Variants in FKBP5 observed in about 807,000 individuals in gnomAD.
The protein encoded by FKBP5 is FKBP prolyl isomerase 5, also known as peptidyl-prolyl cis-trans isomerase FKBP5.
A neutral mutation model predicts 50.5 loss-of-function variants in FKBP5; 23 were observed. The ratio of observed to expected loss-of-function variants is 0.46; its 90% confidence interval spans 0.33 to 0.65. The LOEUF is 0.65. Ranked by LOEUF, FKBP5 falls within the 30% of genes least tolerant of loss-of-function variation. The pLI, the probability that FKBP5 is intolerant of heterozygous loss-of-function variation, is 0.02. For missense variants in FKBP5, 411 were observed against 553.1 expected, an observed-to-expected ratio of 0.74 and a Z score of 2.58; for synonymous variants, 176 against 190.6, an observed-to-expected ratio of 0.92 and a Z score of 0.63.
chr6:35,659,995 C>T lies in FKBP5; in HGVS notation c.-19-17152G>A. Among the ~76,000 whole-genome samples, 2 of 67,642 alleles carry T rather than the reference C, an allele frequency of 3.0e-5. 1 individual carries two copies. Among genetic ancestry groups the T allele is most frequent in the East Asian group, 8.9e-4 (2 of 2,248 alleles). The allele number at this position is 67,642 out of a possible 152,430, so 44.4% of individuals were successfully genotyped here. On this transcript the variant is annotated intron_variant, in intron 1 of 10. Transcript: ENST00000357266. ...CTGATTTGTGATTTTACTTCTTACC[C>T]AATATAGACATTTAGTGCTATGAAT...
intron 2 of FKBP5, among the ~76,000 whole-genome samples, chr6:35,698,328 G>C (rs1302197995): frequency 6.6e-6 from 1 of 151,290 alleles, no homozygotes; most frequent in Non-Finnish European, 1.5e-5. Context: ...GGCAACAAGA[G>C]TGAAACTCCA....
chr6:35,718,437 G>T (rs567378759), intron 2 of FKBP5, among the ~76,000 whole-genome samples: 69 of 152,300 alleles, frequency 4.5e-4, no homozygotes, highest in African/African-American at 1.6e-3. Flanking sequence ...CCGGGGAATC[G>T]GCTGTTGGTT....
intron 5 of FKBP5, 123 bp from the exon 6 acceptor site, chr6:35,597,527 AG>A: frequency 1.8e-6 from 2 of 1,139,746 alleles, no homozygotes; most frequent in Non-Finnish European, 2.4e-6. Flanking sequence ...TTTCATCAAG[AG>A]ACACACACAG....
chr6:35,657,065 A>C (rs1299367464), intron 1 of FKBP5, among the ~76,000 whole-genome samples: 1 of 131,030 alleles, frequency 7.6e-6, no homozygotes, highest in African/African-American at 2.9e-5. Flanking sequence ...CAAAAAAAAA[A>C]CTAGCCGGGA....
At chr6:35,703,530 A>G (rs1746030533) in intron 2 of FKBP5, among the ~76,000 whole-genome samples, 1 of 152,236 alleles carries the variant, frequency 6.6e-6, no homozygotes. Flanking sequence ...TATCACATGT[A>G]CCCCATAAAT....
At chr6:35,647,970 T>C (rs553626497) in intron 1 of FKBP5, among the ~76,000 whole-genome samples, 66 of 152,342 alleles carry the variant, frequency 4.3e-4, no homozygotes, top group Middle Eastern at 3.4e-3. Flanking sequence ...TATTATTAGA[T>C]AGACTTCGGA....
At chr6:35,709,371 TG>T (rs1353027393) in intron 2 of FKBP5, among the ~76,000 whole-genome samples, 1 of 152,166 alleles carries the variant, frequency 6.6e-6, no homozygotes, top group Admixed American at 6.5e-5. Context: ...TAAGATAAAT[TG>T]TTAAATGCAA....
intron 1 of FKBP5, among the ~76,000 whole-genome samples, chr6:35,655,363 G>T (rs1764919080): frequency 6.6e-6 from 1 of 152,080 alleles, no homozygotes; most frequent in Admixed American, 6.5e-5. Context: ...AAGACAGTAG[G>T]AATGAGCCCC....
At chr6:35,680,570 T>TAAA in intron 1 of FKBP5, among the ~76,000 whole-genome samples, 1 of 152,352 alleles carries the variant, frequency 6.6e-6, no homozygotes, top group East Asian at 1.9e-4. Flanking sequence ...AAGCTATGAT[T>TAAA]TAAATTGATT....
At chr6:35,648,273 C>A (rs975505290) in intron 1 of FKBP5, among the ~76,000 whole-genome samples, 9 of 152,134 alleles carry the variant, frequency 5.9e-5, no homozygotes, top group Middle Eastern at 3.4e-3. Flanking sequence ...TTATTTATTT[C>A]TTATTGTCTC....
intron 3 of FKBP5, among the ~76,000 whole-genome samples, chr6:35,627,794 T>A (rs1239195247): frequency 6.6e-6 from 1 of 152,070 alleles, no homozygotes; most frequent in African/African-American, 2.4e-5. Flanking sequence ...ATAGTTTCGT[T>A]CTTGTTGCCT....
rs1370614011 is a variant in FKBP5, at chr6:35,688,302, G to C, written c.-20+502C>G. Among the ~76,000 whole-genome samples the C allele has an allele frequency of 3.3e-5, 5 of 152,238 alleles. No individual in the cohort carries two copies. The East Asian group carries it at 9.7e-4, about 29-fold the overall frequency. ...CGTCCCGGCGCTCGGCTCGCCCTGG[G>C]GTCCGGTTGTCCCGGCGCCCGGACC... On this transcript the variant is annotated intron_variant, in intron 1 of 10. Transcript: ENST00000357266.
intron 1 of FKBP5, among the ~76,000 whole-genome samples, chr6:35,668,164 C>T (rs1765281534): frequency 6.6e-6 from 1 of 152,236 alleles, no homozygotes; most frequent in Non-Finnish European, 1.5e-5. Flanking sequence ...AGATCAGCCA[C>T]TGCATAAAAT....
intron 7 of FKBP5, among the ~76,000 whole-genome samples, chr6:35,590,119 G>A (rs898081744): frequency 4.6e-5 from 7 of 152,198 alleles, no homozygotes; most frequent in African/African-American, 1.7e-4. Flanking sequence ...GCAACACAGT[G>A]AGACCCCATG....
Position 35,587,107 on chromosome 6 carries a change from G to C in FKBP5, c.767C>G (p.Ser256Cys). 1 of 1,613,966 alleles carries C rather than the reference G, an allele frequency of 6.2e-7. No homozygotes were observed. The highest frequency in any genetic ancestry group is 8.5e-7 in the Non-Finnish European group (1 of 1,179,910). ...TLKSFEKAKE[S>C]WEMDTKEKLE... ...TTTTTCTTTGGTATCCATCTCCCAG[G>C]ATTCTTTGGCCTGTGTGTAAATTTG... Residue 256 changes from serine to cysteine, a missense_variant, in exon 8 of 11, where the codon TCC becomes TGC. Transcript: ENST00000357266.
intron 1 of FKBP5, among the ~76,000 whole-genome samples, chr6:35,669,796 A>G (rs916933783): frequency 3.9e-5 from 6 of 152,358 alleles, no homozygotes; most frequent in African/African-American, 1.4e-4. Flanking sequence ...CTTATGACTC[A>G]GAAAAAGTTT....
At chr6:35,683,129 T>TATATATGTATATATATAC (rs1561893456) in intron 1 of FKBP5, among the ~76,000 whole-genome samples, 1 of 45,766 alleles carries the variant, frequency 2.2e-5, no homozygotes, top group African/African-American at 1.1e-4. Flanking sequence ...TATGTGTGTG[T>TATATATGTATATATATAC]GTGTGTGTGT....
intron 5 of FKBP5, among the ~76,000 whole-genome samples, chr6:35,601,074 T>C (rs1227019797): frequency 1.3e-5 from 2 of 152,242 alleles, no homozygotes; most frequent in African/African-American, 4.8e-5. Context: ...ACAGAACTAG[T>C]GTCTGATGCT....
chr6:35,582,410 T>C, intron 8 of FKBP5: 1 of 593,684 alleles, frequency 1.7e-6, no homozygotes, highest in Non-Finnish European at 2.1e-6. Flanking sequence ...GATGTGGTCA[T>C]GAGGGTGGGG....
Sources: allele counts gnomAD v4.1 joint callset (sites outside exome capture counted in the v4.1 genomes callset), GRCh38; gene constraint gnomAD v4.1.1; transcripts MANE v1.5; gene names NCBI Gene and HGNC (gene_info 2026-07-23, HGNC 2026-07-21).